Variants in TGM3 observed in about 807,000 individuals in gnomAD.
TGM3 encodes the protein transglutaminase 3.
A neutral mutation model predicts 73.8 loss-of-function variants in TGM3; 52 were observed. That is an observed-to-expected ratio of 0.70 (90% CI 0.56 to 0.89). The LOEUF (loss-of-function observed/expected upper bound fraction) is 0.89, where lower values mean the gene tolerates loss of function less well. Ranked by LOEUF, TGM3 falls within the 40% of genes least tolerant of loss-of-function variation. The pLI, the probability that TGM3 is intolerant of heterozygous loss-of-function variation, is 0.00. For synonymous variants in TGM3, 372 were observed against 354.9 expected, an observed-to-expected ratio of 1.05 and a Z score of -0.54; for missense variants, 928 against 909.9, an observed-to-expected ratio of 1.02 and a Z score of -0.26.
At chr20:2,318,933 T>C (rs2122230244) in intron 7 of TGM3, among the ~76,000 whole-genome samples, 1 of 152,290 alleles carries the variant, frequency 6.6e-6, no homozygotes, top group Middle Eastern at 3.4e-3. Flanking sequence ...CCTTCCCTTC[T>C]GAAGGAGAGT....
chr20:2,340,769 C>A lies in TGM3; in HGVS notation c.*188C>A. 1 of 773,970 alleles carries A rather than the reference C, an allele frequency of 1.3e-6. No homozygotes were observed. Among genetic ancestry groups the A allele is most frequent in the Non-Finnish European group, 2.2e-6 (1 of 453,446 alleles). 47.9% of individuals were successfully genotyped at this position (773,970 alleles called of 1,614,324 possible). On this transcript the variant is annotated 3_prime_UTR_variant, in exon 13 of 13. Transcript: ENST00000381458. ...CCCCCAGGTTGGGGCTGGGTCCACC[C>A]TGTCCTATGACTTGATCACTTTTGC...
chr20:2,314,555 A>G (rs1412064128), intron 5 of TGM3, among the ~76,000 whole-genome samples: 2 of 151,406 alleles, frequency 1.3e-5, no homozygotes, highest in Non-Finnish European at 2.9e-5. Flanking sequence ...ACACACACAC[A>G]CACACACACA....
chr20:2,304,945 G>A (rs937189409), intron 1 of TGM3, among the ~76,000 whole-genome samples: 15 of 152,140 alleles, frequency 9.9e-5, no homozygotes, highest in Non-Finnish European at 1.9e-4. Flanking sequence ...ACAGCTCACA[G>A]GACTCAGGAA....
intron 4 of TGM3, among the ~76,000 whole-genome samples, chr20:2,312,272 G>C (rs565282019): frequency 1.3e-5 from 2 of 150,916 alleles, no homozygotes; most frequent in African/African-American, 2.4e-5. Flanking sequence ...TGGTGGCACG[G>C]GCCTGTAATC....
At chr20:2,333,837 G>C (rs555286401) in intron 10 of TGM3, among the ~76,000 whole-genome samples, 5 of 152,368 alleles carry the variant, frequency 3.3e-5, no homozygotes, top group African/African-American at 1.2e-4. Flanking sequence ...GTAGTTGCTA[G>C]ATGACCCTGG....
intron 1 of TGM3, among the ~76,000 whole-genome samples, chr20:2,302,681 G>A (rs146444286): frequency 3.2e-5 from 4 of 126,626 alleles, no homozygotes; most frequent in African/African-American, 1.1e-4. Flanking sequence ...CAGGCAAAGG[G>A]CATTTGCCAA....
At chr20:2,330,338 G>T (rs1181738049) in intron 9 of TGM3, among the ~76,000 whole-genome samples, 1 of 152,218 alleles carries the variant, frequency 6.6e-6, no homozygotes, top group Non-Finnish European at 1.5e-5. Context: ...CTGCTTCAAG[G>T]TCCCAGGCAC....
chr20:2,312,179 C>T (rs2084207441), intron 4 of TGM3, among the ~76,000 whole-genome samples: 4 of 151,266 alleles, frequency 2.6e-5, no homozygotes, highest in Admixed American at 2.6e-4. Flanking sequence ...GCGGGTGGAT[C>T]ACCTGAGGTC....
Position 2,340,752 on chromosome 20 carries a change from T to C in TGM3, c.*171T>C, listed in dbSNP as rs912988341. ...ACATCCCCCTCTCCTCTCCCCCAGG[T>C]TGGGGCTGGGTCCACCCTGTCCTAT... is the stretch of plus-strand genomic sequence containing the variant. On this transcript the variant is annotated 3_prime_UTR_variant, in exon 13 of 13. Coordinates refer to ENST00000381458, the MANE Select transcript of TGM3 (RefSeq NM_003245.4). The C allele has an allele frequency of 1.1e-6, 1 of 901,756 alleles. No homozygotes were observed. The highest frequency in any genetic ancestry group is 1.6e-5 in the African/African-American group (1 of 60,706). 55.9% of individuals were successfully genotyped at this position (901,756 alleles called of 1,614,324 possible).
chr20:2,307,336 C>T (rs941302041), intron 1 of TGM3, among the ~76,000 whole-genome samples: 1 of 152,018 alleles, frequency 6.6e-6, no homozygotes, highest in African/African-American at 2.4e-5. Context: ...GAAGCCCCTC[C>T]GCAGTCCTGC....
chr20:2,330,432 C>T (rs942793710), intron 9 of TGM3, among the ~76,000 whole-genome samples: 14 of 152,174 alleles, frequency 9.2e-5, no homozygotes, highest in Non-Finnish European at 1.5e-4. Flanking sequence ...CAAAAGGAAC[C>T]CAGCCCACCA....
intron 7 of TGM3, among the ~76,000 whole-genome samples, chr20:2,320,662 T>G (rs84823): frequency 0.81 from 123,142 of 152,074 alleles, 49,966 homozygotes; most frequent in East Asian, 0.96. Flanking sequence ...GGCTTAAGAG[T>G]CACGCAGTTC....
Position 2,317,534 on chromosome 20 carries a change from C to T in TGM3, c.983+49C>T, listed in dbSNP as rs1405772288. Reference sequence around the variant, plus strand: ...AACTTCGAGCACCACATTTGAGTGGCTTCTCGCTCTCACCATCCTTCTGGG... The same window carrying T: ...AACTTCGAGCACCACATTTGAGTGGTTTCTCGCTCTCACCATCCTTCTGGG... On this transcript the variant is annotated intron_variant, in intron 7 of 12. Coordinates refer to ENST00000381458, the MANE Select transcript of TGM3 (RefSeq NM_003245.4). 5.0e-6 allele frequency: 8 copies of T among 1,607,226 alleles called. No individual in the cohort carries two copies. The Admixed American group carries it at 8.3e-5, about 17-fold the overall frequency.
intron 1 of TGM3, among the ~76,000 whole-genome samples, chr20:2,298,463 T>G (rs2084123212): frequency 6.6e-6 from 1 of 152,220 alleles, no homozygotes; most frequent in Non-Finnish European, 1.5e-5. Flanking sequence ...GGCTTCTGCC[T>G]GCAAATGACC....
At position 2,340,544 on chromosome 20, in the gene TGM3, C is replaced by A; in HGVS notation, c.2045C>A (p.Ala682Glu). 1.2e-6 allele frequency: 2 copies of A among 1,614,192 alleles called. No individual in the cohort carries two copies. The highest frequency in any genetic ancestry group is 1.7e-6 in the Non-Finnish European group (2 of 1,180,022). ...GACTTCTCCTGCAACAAGTTCCCTG[C>A]AATCAAGGCCATGTTGTCCATCGAT... is the stretch of plus-strand genomic sequence containing the variant. The part of the protein sequence containing the change: ...LADFSCNKFP[A>E]IKAMLSIDVA... Residue 682 changes from alanine to glutamate, a missense_variant, in exon 13 of 13, where the codon GCA (alanine) becomes GAA (glutamate). Ala to Glu is a moderately radical substitution (Grantham distance 107). Coordinates refer to ENST00000381458, the MANE Select transcript of TGM3 (RefSeq NM_003245.4).
At chr20:2,333,477 C>T (rs45481696) in intron 10 of TGM3, among the ~76,000 whole-genome samples, 1 of 152,076 alleles carries the variant, frequency 6.6e-6, no homozygotes, top group Non-Finnish European at 1.5e-5. Flanking sequence ...AAACTCTGGG[C>T]TCAAGCAATC....
chr20:2,309,187 C>T (rs1013368505), intron 1 of TGM3, among the ~76,000 whole-genome samples: 1 of 152,184 alleles, frequency 6.6e-6, no homozygotes, highest in Non-Finnish European at 1.5e-5. Context: ...CGCCTCCCTT[C>T]GTTTCTGTTG....
intron 9 of TGM3, 57 bp from the exon 10 acceptor site, chr20:2,331,945 C>T: frequency 6.4e-7 from 1 of 1,555,088 alleles, no homozygotes; most frequent in Non-Finnish European, 8.7e-7. Flanking sequence ...GGGTACTGTC[C>T]TTTGCCCAGG....
rs1438617602 is a variant in TGM3, at chr20:2,332,272, G to C, written c.1604G>C (p.Trp535Ser). 2 of 1,611,678 alleles carry C rather than the reference G, an allele frequency of 1.2e-6. No individual in the cohort carries two copies. The highest frequency in any genetic ancestry group is 1.3e-5 in the African/African-American group (1 of 74,990). ...IYNGTLVHEV[W>S]KDSATMSLDP... Reference sequence around the variant, plus strand: ...AACGGCACGCTTGTACATGAAGTGTGGAAGGACTCTGCCACAATGTCCCTG... The same window carrying C: ...AACGGCACGCTTGTACATGAAGTGTCGAAGGACTCTGCCACAATGTCCCTG... The change falls in exon 10 of 13, where the codon TGG (tryptophan) becomes TCG (serine). Residue 535 changes from tryptophan to serine, a missense_variant. Coordinates refer to ENST00000381458, the MANE Select transcript of TGM3 (RefSeq NM_003245.4). This position sits in a 1 kb window ranked among gnomAD's most constrained non-coding sequence, Gnocchi z 4.4.
Sources: gnomAD v4.1 joint callset for allele counts (sites outside exome capture counted in the v4.1 genomes callset) on GRCh38, gnomAD v4.1.1 for gene constraint, Gnocchi (gnomAD v3.1) non-coding constraint, MANE v1.5 for transcripts, NCBI Gene and HGNC (gene_info 2026-07-23, HGNC 2026-07-21) for gene names.